The following CTPS2 variants were observed in gnomAD, a reference collection of about 807,000 sequenced individuals.
The protein encoded by CTPS2 is CTP synthase 2.
A neutral mutation model predicts 46.8 loss-of-function variants in CTPS2; 19 were observed. The ratio of observed to expected loss-of-function variants is 0.41; its 90% CI spans 0.28 to 0.60. The LOEUF is 0.60. CTPS2 is among the 20% of genes least tolerant of loss of function. The probability of loss-of-function intolerance (pLI) is 0.35; values close to 1 mark genes in which losing one functional copy is unlikely to be tolerated. For synonymous variants in CTPS2, 151 were observed against 165.2 expected, an observed-to-expected ratio of 0.91 and a Z score of 0.66; for missense variants, 286 against 447.6, an observed-to-expected ratio of 0.64 and a Z score of 3.26.
At chrX:16,621,820 T>C (rs1235061276) in intron 14 of CTPS2, among the ~76,000 whole-genome samples, 1 of 112,002 alleles carries the variant, frequency 8.9e-6, no homozygotes, top group Non-Finnish European at 1.9e-5. Flanking sequence ...CAAACACAAA[T>C]GGGTTGTATT....
intron 11 of CTPS2, among the ~76,000 whole-genome samples, chrX:16,670,068 A>AC (rs1362961429): frequency 1.8e-5 from 2 of 108,272 alleles, no homozygotes; most frequent in Non-Finnish European, 3.8e-5. Flanking sequence ...TTAAAAAAAA[A>AC]AAAACACACA....
chrX:16,678,149 A>G, intron 10 of CTPS2, among the ~76,000 whole-genome samples: 1 of 111,885 alleles, frequency 8.9e-6, no homozygotes, highest in Non-Finnish European at 1.9e-5. Context: ...ATCCTCCCCA[A>G]ATAAAACCAT....
intron 10 of CTPS2, among the ~76,000 whole-genome samples, chrX:16,676,703 C>A (rs5980312): frequency 0.51 from 55,390 of 109,646 alleles, 10,870 homozygotes; most frequent in African/African-American, 0.71. Context: ...TTTTTTTCTG[C>A]AATTTAGACT....
intron 13 of CTPS2, among the ~76,000 whole-genome samples, chrX:16,664,104 G>C (rs6527699): frequency 0.22 from 24,726 of 111,557 alleles, 2,338 homozygotes; most frequent in Middle Eastern, 0.32. Context: ...CCAAAGTGCT[G>C]GGATTATAGG....
chrX:16,593,230 T>C (rs112897617), intron 17 of CTPS2, among the ~76,000 whole-genome samples: 2,916 of 110,578 alleles, frequency 0.026, 109 homozygotes, highest in African/African-American at 0.086. Flanking sequence ...GAGATCGAGA[T>C]CATCCTGGCT....
intron 14 of CTPS2, among the ~76,000 whole-genome samples, chrX:16,631,751 T>C (rs1357984812): frequency 8.9e-6 from 1 of 111,908 alleles, no homozygotes; most frequent in African/African-American, 3.2e-5. Flanking sequence ...CAGGGTCTTG[T>C]AATATTTTAG....
At chrX:16,592,458 G>A (rs1039969534) in intron 17 of CTPS2, among the ~76,000 whole-genome samples, 12 of 111,691 alleles carry the variant, frequency 1.1e-4, no homozygotes, top group African/African-American at 3.9e-4. Context: ...TTTGGCTTTT[G>A]GCTCTGTGTT....
At chrX:16,631,998 T>C (rs952926628) in intron 14 of CTPS2, among the ~76,000 whole-genome samples, 15 of 112,058 alleles carry the variant, frequency 1.3e-4, no homozygotes, top group Non-Finnish European at 2.4e-4. Context: ...TCTACATTTC[T>C]TACTTTTCAA....
rs140749332 is a variant in CTPS2 at position 16,708,358 on chromosome X, A to C, written c.-40+3977T>G. Among the ~76,000 whole-genome samples the C allele has an allele frequency of 4.4e-3, 486 of 110,529 alleles. 2 individuals carry two copies. The highest frequency in any genetic ancestry group is 0.032 in the Middle Eastern group (7 of 216). On this transcript the variant is annotated intron_variant, in intron 1 of 18. Transcript: ENST00000359276. ...AGTCCCTGGGCCTACCTTTCTCTACACAACACAGTTGATCACATTCAATGC... is the reference window on the plus strand; with the variant it reads ...AGTCCCTGGGCCTACCTTTCTCTACCCAACACAGTTGATCACATTCAATGC...
intron 13 of CTPS2, among the ~76,000 whole-genome samples, chrX:16,652,933 G>A (rs1429403046): frequency 9.0e-6 from 1 of 111,545 alleles, no homozygotes. Flanking sequence ...GTTTGGTCTT[G>A]TAATTAAAGC....
chrX:16,645,320 TA>T (rs753878350), intron 13 of CTPS2, among the ~76,000 whole-genome samples: 100 of 110,765 alleles, frequency 9.0e-4, no homozygotes, highest in African/African-American at 3.0e-3. Flanking sequence ...TTAAGTGTAT[TA>T]AAAACTAACA....
intron 13 of CTPS2, among the ~76,000 whole-genome samples, chrX:16,639,777 AAAAG>A (rs10682704): frequency 0.098 from 7,117 of 72,553 alleles, 366 homozygotes; most frequent in East Asian, 0.15. Context: ...AAAGGAAAAG[AAAAG>A]AAAGAAAGAA....
At chrX:16,631,532 T>G (rs1280199955) in intron 14 of CTPS2, among the ~76,000 whole-genome samples, 2 of 110,657 alleles carry the variant, frequency 1.8e-5, no homozygotes, top group African/African-American at 3.3e-5. Flanking sequence ...AATAAAGAAA[T>G]AAATAAATAA....
intron 10 of CTPS2, among the ~76,000 whole-genome samples, chrX:16,674,665 C>G (rs1192695083): frequency 1.9e-5 from 2 of 104,376 alleles, no homozygotes; most frequent in African/African-American, 7.1e-5. Flanking sequence ...GGTGAAACCC[C>G]GTCTCTACTA....
At chrX:16,680,406 A>C (rs1922636394) in intron 9 of CTPS2, among the ~76,000 whole-genome samples, 1 of 109,010 alleles carries the variant, frequency 9.2e-6, no homozygotes. Context: ...TAAAAATAAC[A>C]AAATTAGGTG....
intron 10 of CTPS2, among the ~76,000 whole-genome samples, chrX:16,672,798 G>A (rs985404061): frequency 9.1e-6 from 1 of 109,345 alleles, no homozygotes; most frequent in Non-Finnish European, 1.9e-5. Context: ...CTCTCTCTGT[G>A]CAAATTGGTT....
At chrX:16,611,027 G>A (rs1299823261) in intron 16 of CTPS2, among the ~76,000 whole-genome samples, 1 of 111,940 alleles carries the variant, frequency 8.9e-6, no homozygotes, top group African/African-American at 3.2e-5. Context: ...TAGACACTGG[G>A]AACTACCAGA....
rs1022649132 is a variant in CTPS2, at chrX:16,620,410, G to A, written c.1394-78C>T. ...CATCCATGATGCTTTGTGGAGGCAA[G>A]TGCCTGGATCACTATCTATCTATCA... is the stretch of plus-strand genomic sequence containing the variant. On this transcript the variant is annotated intron_variant, in intron 14 of 18. Transcript: ENST00000359276. The A allele has an allele frequency of 4.4e-5, 32 of 729,477 alleles. No homozygotes were observed. In the Admixed American group the frequency reaches 5.3e-4, roughly 12 times the overall value. The allele number at this position is 729,477 out of a possible 1,213,427, so 60.1% of individuals were successfully genotyped here.
chrX:16,711,576 C>T (rs1925466346), intron 1 of CTPS2: 1 of 110,636 alleles, frequency 9.0e-6, no homozygotes, highest in Non-Finnish European at 1.9e-5. Flanking sequence ...CAATCAGAAC[C>T]GGGGTTGAGT....
Sources: gnomAD v4.1 joint callset for allele counts (sites outside exome capture counted in the v4.1 genomes callset) on GRCh38, gnomAD v4.1.1 for gene constraint, MANE v1.5 for transcripts, NCBI Gene and HGNC (gene_info 2026-07-23, HGNC 2026-07-21) for gene names.